The following GULP1 variants were observed in gnomAD, a reference collection of about 807,000 sequenced individuals.
GULP1 encodes PTB domain-containing engulfment adapter protein 1.
A neutral mutation model predicts 40.9 loss-of-function variants in GULP1; 19 were observed. The ratio of observed to expected loss-of-function variants is 0.46; its 90% CI spans 0.32 to 0.68. GULP1 has a LOEUF of 0.68. GULP1 is among the 30% of genes least tolerant of loss of function. GULP1 has a pLI of 0.03. For missense variants in GULP1, 312 were observed against 362.2 expected (o/e 0.86, Z 1.12); for synonymous variants, 119 against 117.6 (o/e 1.01, Z -0.08).
intron 2 of GULP1, among the ~76,000 whole-genome samples, chr2:188,472,151 C>A (rs1559280713): frequency 6.6e-6 from 1 of 152,068 alleles, no homozygotes; most frequent in South Asian, 2.1e-4. Context: ...TATTGGAACT[C>A]CATTGTGTGT....
intron 2 of GULP1, among the ~76,000 whole-genome samples, chr2:188,476,913 C>T (rs994648557): frequency 6.6e-6 from 1 of 151,972 alleles, no homozygotes; most frequent in Non-Finnish European, 1.5e-5. Flanking sequence ...GTTTTTTACA[C>T]GAAGTCATTA....
chr2:188,298,992 C>G (rs1021530063), intron 1 of GULP1, among the ~76,000 whole-genome samples: 7 of 152,168 alleles, frequency 4.6e-5, no homozygotes, highest in Non-Finnish European at 7.4e-5. Flanking sequence ...ATTAATGCAG[C>G]TAGTCCCTAC....
At chr2:188,424,558 C>T (rs917812228) in intron 2 of GULP1, among the ~76,000 whole-genome samples, 1 of 151,852 alleles carries the variant, frequency 6.6e-6, no homozygotes, top group Non-Finnish European at 1.5e-5. Context: ...AAGTACTATG[C>T]CATTATCACA....
intron 2 of GULP1, among the ~76,000 whole-genome samples, chr2:188,420,497 G>T (rs914489464): frequency 6.6e-6 from 1 of 152,136 alleles, no homozygotes; most frequent in South Asian, 2.1e-4. Context: ...TCAGCTCAGC[G>T]AGCAGGAGCA....
chr2:188,412,274 TA>T (rs2053994076), intron 2 of GULP1, among the ~76,000 whole-genome samples: 1 of 152,064 alleles, frequency 6.6e-6, no homozygotes. Context: ...TTCATGAGAA[TA>T]GCAAAAGGTT....
chr2:188,440,697 C>A (rs1481087835), intron 2 of GULP1, among the ~76,000 whole-genome samples: 2 of 152,072 alleles, frequency 1.3e-5, no homozygotes, highest in Non-Finnish European at 2.9e-5. Context: ...CCTGAGCAGT[C>A]ATACTATTTT....
intron 2 of GULP1, among the ~76,000 whole-genome samples, chr2:188,390,537 G>A (rs1331962705): frequency 6.6e-6 from 1 of 152,012 alleles, no homozygotes; most frequent in Non-Finnish European, 1.5e-5. Context: ...TGCATAGTTT[G>A]CAAATATTTT....
chr2:188,392,977 A>G (rs2050727032), intron 2 of GULP1, among the ~76,000 whole-genome samples: 1 of 152,042 alleles, frequency 6.6e-6, no homozygotes, highest in African/African-American at 2.4e-5. Context: ...TTTTAAATTT[A>G]TTAAGAATTG....
intron 4 of GULP1, among the ~76,000 whole-genome samples, chr2:188,500,914 T>C (rs545772011): frequency 6.6e-6 from 1 of 152,042 alleles, no homozygotes; most frequent in South Asian, 2.1e-4. Context: ...ACTTATCAAC[T>C]CTATTAGTAC....
chr2:188,534,130 A>G (rs1688292441), intron 6 of GULP1, among the ~76,000 whole-genome samples: 1 of 152,204 alleles, frequency 6.6e-6, no homozygotes, highest in African/African-American at 2.4e-5. Flanking sequence ...CTGGTTGTAT[A>G]TACTTGGTAT....
intron 2 of GULP1, among the ~76,000 whole-genome samples, chr2:188,393,859 C>T (rs2050858327): frequency 6.6e-6 from 1 of 152,140 alleles, no homozygotes; most frequent in Non-Finnish European, 1.5e-5. Flanking sequence ...ACCAGTCCCT[C>T]CTGCCTGGTA....
intron 4 of GULP1, among the ~76,000 whole-genome samples, chr2:188,496,851 T>C (rs1559309527): frequency 2.0e-5 from 3 of 151,910 alleles, no homozygotes; most frequent in African/African-American, 7.2e-5. Flanking sequence ...GAGAGTGAGT[T>C]ATGGCAAGAT....
chr2:188,321,030 C>T (rs577261879), intron 1 of GULP1, among the ~76,000 whole-genome samples: 1 of 151,922 alleles, frequency 6.6e-6, no homozygotes, highest in South Asian at 2.1e-4. Flanking sequence ...TTATTTCCGC[C>T]CTTGGTATAT....
chr2:188,471,046 C>G (rs982833140), intron 2 of GULP1, among the ~76,000 whole-genome samples: 2 of 151,978 alleles, frequency 1.3e-5, no homozygotes, highest in Non-Finnish European at 2.9e-5. Context: ...GAGTCTAACT[C>G]TATATTTTAA....
chr2:188,589,753 T>A, intron 11 of GULP1: 1 of 1,380,866 alleles, frequency 7.2e-7, no homozygotes, highest in Non-Finnish European at 9.7e-7. Context: ...CAGAGATGGT[T>A]GGTATATTAT....
In GULP1 at chr2:188,544,504, T is replaced by C. The variant is rs371907663; in HGVS notation, c.399+3186T>C. Among the ~76,000 whole-genome samples, 31 of 151,914 alleles carry C rather than the reference T, an allele frequency of 2.0e-4. 1 individual carries two copies. Among genetic ancestry groups the C allele is most frequent in the African/African-American group, 7.2e-4 (30 of 41,484 alleles). On this transcript the variant is annotated intron_variant, in intron 7 of 11. Coordinates refer to ENST00000409830, the MANE Select transcript of GULP1 (RefSeq NM_016315.4). ...TATACATATGTAACAAACGTGCATGTTGTGCATAAGTACCCTAAAACTTAA... is the reference window on the plus strand; with the variant it reads ...TATACATATGTAACAAACGTGCATGCTGTGCATAAGTACCCTAAAACTTAA...
At chr2:188,518,386 C>T (rs1347801455) in intron 4 of GULP1, among the ~76,000 whole-genome samples, 1 of 152,114 alleles carries the variant, frequency 6.6e-6, no homozygotes, top group Non-Finnish European at 1.5e-5. Context: ...TACCTCACCT[C>T]CAAACAAATA....
At chr2:188,317,006 T>C (rs1356330264) in intron 1 of GULP1, among the ~76,000 whole-genome samples, 4 of 152,142 alleles carry the variant, frequency 2.6e-5, no homozygotes, top group Non-Finnish European at 4.4e-5. Context: ...ATGCAAATGT[T>C]AGATAATGAA....
intron 7 of GULP1, among the ~76,000 whole-genome samples, chr2:188,559,729 G>A (rs1393160630): frequency 1.3e-5 from 2 of 152,078 alleles, no homozygotes; most frequent in African/African-American, 4.8e-5. Context: ...GGCCAGGGGT[G>A]GAATGATATG....
Sources: gnomAD v4.1 joint callset for allele counts (sites outside exome capture counted in the v4.1 genomes callset) on GRCh38, gnomAD v4.1.1 for gene constraint, MANE v1.5 for transcripts, NCBI Gene and HGNC (gene_info 2026-07-23, HGNC 2026-07-21) for gene names.